The following CSGALNACT1 variants were observed in gnomAD, a reference collection of about 807,000 sequenced individuals.
CSGALNACT1 encodes chondroitin sulfate N-acetylgalactosaminyltransferase 1.
CSGALNACT1 carries 52 observed loss-of-function variants against 51.0 expected under a neutral mutation model. The ratio of observed to expected loss-of-function variants is 1.02; its 90% confidence interval spans 0.82 to 1.29. The LOEUF is 1.29. Ranked by LOEUF, CSGALNACT1 falls within the 50% of genes most tolerant of loss-of-function variation. The pLI is 0.00. For missense variants in CSGALNACT1, 935 were observed against 679.2 expected (o/e 1.38, Z -4.19); for synonymous variants, 341 against 254.4 (o/e 1.34, Z -3.24).
chr8:19,489,876 G>A (rs565201944), intron 4 of CSGALNACT1, among the ~76,000 whole-genome samples: 4 of 152,284 alleles, frequency 2.6e-5, no homozygotes, highest in South Asian at 4.1e-4. Context: ...TCTATCAGCT[G>A]GAATGGTATG....
At chr8:19,548,022 G>A (rs563560820) in intron 3 of CSGALNACT1, among the ~76,000 whole-genome samples, 14 of 152,126 alleles carry the variant, frequency 9.2e-5, no homozygotes, top group South Asian at 4.1e-4. Context: ...ATGTAACATC[G>A]CTCACATTAA....
chr8:19,481,786 G>C (rs183262555), intron 4 of CSGALNACT1, among the ~76,000 whole-genome samples: 3 of 152,254 alleles, frequency 2.0e-5, no homozygotes, highest in Non-Finnish European at 4.4e-5. Context: ...ACACATCCCA[G>C]AGTAACCCAG....
At chr8:19,755,686 T>G (rs867369384) in intron 1 of CSGALNACT1, among the ~76,000 whole-genome samples, 1 of 152,130 alleles carries the variant, frequency 6.6e-6, no homozygotes, top group African/African-American at 2.4e-5. Flanking sequence ...CTCAGGTCTC[T>G]GGAACAGCAA....
chr8:19,450,613 A>T (rs1349729499), intron 5 of CSGALNACT1, among the ~76,000 whole-genome samples: 1 of 152,126 alleles, frequency 6.6e-6, no homozygotes, highest in Non-Finnish European at 1.5e-5. Context: ...AAATGAAGTC[A>T]TTTGCAGGTA....
intron 1 of CSGALNACT1, among the ~76,000 whole-genome samples, chr8:19,667,910 CTAAA>C (rs2059508828): frequency 6.6e-6 from 1 of 152,074 alleles, no homozygotes. Flanking sequence ...TTTCCTCCAA[CTAAA>C]TATTTTAAGA....
intron 1 of CSGALNACT1, among the ~76,000 whole-genome samples, chr8:19,649,076 CT>C (rs1258551045): frequency 9.9e-5 from 15 of 152,274 alleles, no homozygotes; most frequent in Admixed American, 9.2e-4. Flanking sequence ...TATTTGCCTA[CT>C]GTATTCTGTG....
chr8:19,744,011 C>T (rs1006352808), intron 1 of CSGALNACT1, among the ~76,000 whole-genome samples: 3 of 152,036 alleles, frequency 2.0e-5, no homozygotes, highest in African/African-American at 7.2e-5. Flanking sequence ...ATGTTATGAC[C>T]AGACTATTAT....
At chr8:19,580,702 T>C (rs769369500) in intron 3 of CSGALNACT1, among the ~76,000 whole-genome samples, 13 of 152,138 alleles carry the variant, frequency 8.5e-5, no homozygotes, top group Non-Finnish European at 1.5e-4. Context: ...ACAAAACTGG[T>C]AATACACAGA....
At chr8:19,569,735 G>C (rs150981647) in intron 3 of CSGALNACT1, among the ~76,000 whole-genome samples, 1 of 152,138 alleles carries the variant, frequency 6.6e-6, no homozygotes, top group Non-Finnish European at 1.5e-5. Context: ...GTCAAGAACA[G>C]ACATGTCCAC....
intron 8 of CSGALNACT1, among the ~76,000 whole-genome samples, chr8:19,412,063 C>A (rs1192512507): frequency 6.6e-6 from 1 of 152,132 alleles, no homozygotes; most frequent in African/African-American, 2.4e-5. Flanking sequence ...GAACTCCTGA[C>A]CTCAGGTGAT....
chr8:19,468,531 A>T (rs2067269569), intron 4 of CSGALNACT1, among the ~76,000 whole-genome samples: 1 of 152,152 alleles, frequency 6.6e-6, no homozygotes. Context: ...TGTGGGGCGC[A>T]GGTGGATGAT....
chr8:19,737,170 T>C (rs1038191530), intron 1 of CSGALNACT1, among the ~76,000 whole-genome samples: 2 of 152,118 alleles, frequency 1.3e-5, no homozygotes, highest in Non-Finnish European at 1.5e-5. Flanking sequence ...TAGAATAAAA[T>C]GAAGTTACTG....
chr8:19,630,469 G>C (rs1274253256), intron 1 of CSGALNACT1, among the ~76,000 whole-genome samples: 3 of 151,866 alleles, frequency 2.0e-5, no homozygotes, highest in Non-Finnish European at 4.4e-5. Flanking sequence ...TGTTACAACT[G>C]ATGAACCAAT....
chr8:19,751,377 G>A (rs912320882), intron 1 of CSGALNACT1, among the ~76,000 whole-genome samples: 1 of 152,092 alleles, frequency 6.6e-6, no homozygotes, highest in Admixed American at 6.5e-5. Context: ...CATATTTAAG[G>A]GCTCCATCAG....
chr8:19,489,179 G>A (rs1165399223), intron 4 of CSGALNACT1, among the ~76,000 whole-genome samples: 1 of 148,500 alleles, frequency 6.7e-6, no homozygotes, highest in Non-Finnish European at 1.5e-5. Context: ...TGAATCCAGT[G>A]AGAAAATCAG....
At chr8:19,472,990 G>A (rs927378824) in intron 4 of CSGALNACT1, among the ~76,000 whole-genome samples, 3 of 152,148 alleles carry the variant, frequency 2.0e-5, no homozygotes, top group African/African-American at 7.2e-5. Flanking sequence ...TTATTATCAT[G>A]TCATTCTACT....
intron 1 of CSGALNACT1, among the ~76,000 whole-genome samples, chr8:19,650,650 G>A (rs1483748602): frequency 2.6e-5 from 4 of 152,124 alleles, no homozygotes; most frequent in African/African-American, 2.4e-5. Context: ...CAGTGGGGAC[G>A]CTCCCAGGAG....
chr8:19,534,057 A>G lies in CSGALNACT1; in HGVS notation c.-296-27927T>C, dbSNP rs531270857. Among the ~76,000 whole-genome samples, 15 of 152,272 alleles carry G rather than the reference A, an allele frequency of 9.9e-5. No individual in the cohort carries two copies. The South Asian group carries it at 2.7e-3, about 27-fold the overall frequency. On this transcript the variant is annotated intron_variant, in intron 3 of 9. Transcript: ENST00000454498. ...TTTCCTTTCAAAATCTAAATTTAAAATAAGTATAATATTAAAAATATATTC... is the reference window on the plus strand; with the variant it reads ...TTTCCTTTCAAAATCTAAATTTAAAGTAAGTATAATATTAAAAATATATTC...
At chr8:19,432,307 G>A (rs909725254) in intron 6 of CSGALNACT1, among the ~76,000 whole-genome samples, 2 of 152,146 alleles carry the variant, frequency 1.3e-5, no homozygotes, top group African/African-American at 4.8e-5. Flanking sequence ...TGTTTCTGAT[G>A]AGAATTCAGC....
Sources: allele counts gnomAD v4.1 joint callset (sites outside exome capture counted in the v4.1 genomes callset), GRCh38; gene constraint gnomAD v4.1.1; transcripts MANE v1.5; gene names NCBI Gene and HGNC (gene_info 2026-07-23, HGNC 2026-07-21).